The following WDR7 variants were observed in gnomAD, a reference collection of about 807,000 sequenced individuals.
WDR7 encodes WD repeat domain 7, also known as WD repeat-containing protein 7.
In WDR7, 46 loss-of-function variants were observed where a neutral mutation model predicts 169.4. The observed-to-expected ratio is 0.27, with a 90% confidence interval of 0.21 to 0.35. The LOEUF is 0.35. Ranked by LOEUF, WDR7 falls within the 10% of genes least tolerant of loss-of-function variation. The pLI is 1.00. For synonymous variants in WDR7, 612 were observed against 666.8 expected, an observed-to-expected ratio of 0.92 and a Z score of 1.27; for missense variants, 1,534 against 1,859.3, an observed-to-expected ratio of 0.83 and a Z score of 3.22.
intron 20 of WDR7, among the ~76,000 whole-genome samples, chr18:56,846,929 T>C (rs2045577275): frequency 6.6e-6 from 1 of 152,128 alleles, no homozygotes; most frequent in East Asian, 1.9e-4. Flanking sequence ...TGGACTAACA[T>C]AGAAAATTGG....
chr18:56,684,351 A>G (rs919951718), intron 5 of WDR7, among the ~76,000 whole-genome samples: 16 of 152,132 alleles, frequency 1.1e-4, no homozygotes, highest in Admixed American at 9.2e-4. Flanking sequence ...AAAGGGCCAG[A>G]TATGAAATAT....
At chr18:56,921,385 G>A (rs574546539) in intron 21 of WDR7, among the ~76,000 whole-genome samples, 7 of 152,342 alleles carry the variant, frequency 4.6e-5, no homozygotes, top group African/African-American at 1.7e-4. Flanking sequence ...GCCTGCCAGA[G>A]CTGTAAAAAC....
At chr18:56,688,745 G>A (rs1223959910) in intron 7 of WDR7, among the ~76,000 whole-genome samples, 3 of 151,614 alleles carry the variant, frequency 2.0e-5, no homozygotes, top group Non-Finnish European at 4.4e-5. Flanking sequence ...AAAAAAAAAG[G>A]GGCAAGAGGA....
chr18:56,928,461 A>G (rs1404546856), intron 22 of WDR7, among the ~76,000 whole-genome samples: 1 of 152,134 alleles, frequency 6.6e-6, no homozygotes, highest in African/African-American at 2.4e-5. Context: ...CAAGACCTTG[A>G]CTCTAAATAA....
At chr18:56,944,582 C>T (rs1343039214) in intron 25 of WDR7, among the ~76,000 whole-genome samples, 9 of 152,046 alleles carry the variant, frequency 5.9e-5, no homozygotes, top group Non-Finnish European at 1.3e-4. Flanking sequence ...AACTGTGAAT[C>T]CATTGAAAGC....
chr18:56,828,917 GA>G (rs932218382), intron 20 of WDR7, among the ~76,000 whole-genome samples: 47 of 152,064 alleles, frequency 3.1e-4, no homozygotes, highest in Non-Finnish European at 6.6e-4. Flanking sequence ...TAGTGATCCA[GA>G]TAATCTTTAT....
At chr18:56,882,721 C>T (rs2046126622) in intron 21 of WDR7, among the ~76,000 whole-genome samples, 1 of 152,156 alleles carries the variant, frequency 6.6e-6, no homozygotes, top group Non-Finnish European at 1.5e-5. Context: ...ACTGTTTGTG[C>T]TTCTAAAACT....
At chr18:57,000,865 C>T (rs2047966726) in intron 26 of WDR7, among the ~76,000 whole-genome samples, 1 of 152,080 alleles carries the variant, frequency 6.6e-6, no homozygotes, top group African/African-American at 2.4e-5. Context: ...AAATATTTCT[C>T]TAAATTCTTT....
chr18:56,904,164 G>A (rs909850963), intron 21 of WDR7, among the ~76,000 whole-genome samples: 2 of 151,804 alleles, frequency 1.3e-5, no homozygotes, highest in African/African-American at 4.8e-5. Context: ...CTGCCTCCTG[G>A]GTTCGAGTGA....
chr18:57,027,135 G>T lies in WDR7; in HGVS notation c.4401G>T (p.Arg1467=). The T allele has an allele frequency of 6.2e-7, 1 of 1,614,160 alleles. No individual in the cohort carries two copies. The highest frequency in any genetic ancestry group is 1.3e-5 in the African/African-American group (1 of 75,062). The change falls in exon 28 of 28, where the codon CGG becomes CGT. Residue 1467 remains arginine, a synonymous_variant. Transcript: ENST00000254442. ...CCCACAATGCCCTCAAGCTGGCCCG[G>T]CTCATCTGGACTTCCAACCGCAACG... ...PGSHNALKLA[R]LIWTSNRNVI...
At chr18:56,973,440 C>T (rs549097818) in intron 26 of WDR7, among the ~76,000 whole-genome samples, 1 of 152,098 alleles carries the variant, frequency 6.6e-6, no homozygotes, top group South Asian at 2.1e-4. Flanking sequence ...CTCTTTTTCT[C>T]TTCAACACTA....
chr18:56,920,179 C>T (rs1418107459), intron 21 of WDR7, among the ~76,000 whole-genome samples: 2 of 152,110 alleles, frequency 1.3e-5, no homozygotes, highest in African/African-American at 4.8e-5. Context: ...TACACATGCT[C>T]TTTCCTCTGC....
chr18:56,691,258 A>G lies in WDR7; in HGVS notation c.760A>G (p.Ser254Gly). Residue 254 changes from serine to glycine, a missense_variant, in exon 8 of 28, where the codon AGT (serine) becomes GGT (glycine). By Grantham distance (56) the Ser-to-Gly change is moderately conservative. Coordinates refer to ENST00000254442, the MANE Select transcript of WDR7 (RefSeq NM_015285.3). ...CTATTCCTTGTTGTGTTCAGGTCCTAGTGAAAATGGACAGACATGGACCGG... is the reference window on the plus strand; with the variant it reads ...CTATTCCTTGTTGTGTTCAGGTCCTGGTGAAAATGGACAGACATGGACCGG... The part of the protein sequence containing the change: ...GDYSLLCSGP[S>G]ENGQTWTGGD... 1 of 1,610,114 alleles carries G rather than the reference A, an allele frequency of 6.2e-7. No individual in the cohort carries two copies. The highest frequency in any genetic ancestry group is 1.1e-5 in the South Asian group (1 of 90,160).
chr18:56,678,218 A>G (rs1053261108), intron 2 of WDR7, among the ~76,000 whole-genome samples: 1 of 152,070 alleles, frequency 6.6e-6, no homozygotes, highest in African/African-American at 2.4e-5. Flanking sequence ...TTCAAACCCT[A>G]TTTCGAATTA....
At chr18:56,704,705 A>G (rs1054165197) in intron 12 of WDR7, among the ~76,000 whole-genome samples, 3 of 152,222 alleles carry the variant, frequency 2.0e-5, no homozygotes, top group Non-Finnish European at 4.4e-5. Flanking sequence ...AGTAATGAGA[A>G]AGACTGCATC....
At chr18:56,905,773 A>G (rs1268634916) in intron 21 of WDR7, among the ~76,000 whole-genome samples, 3 of 152,116 alleles carry the variant, frequency 2.0e-5, no homozygotes, top group Admixed American at 2.0e-4. Context: ...AAATAAAAAG[A>G]CAATACTAAC....
At chr18:57,016,202 C>G (rs1172030529) in intron 26 of WDR7, among the ~76,000 whole-genome samples, 6 of 152,108 alleles carry the variant, frequency 3.9e-5, no homozygotes, top group Non-Finnish European at 8.8e-5. Context: ...ACAGCCACAC[C>G]GGCCGCTTCC....
At chr18:56,706,502 A>G (rs1426594005) in intron 12 of WDR7, among the ~76,000 whole-genome samples, 2 of 152,088 alleles carry the variant, frequency 1.3e-5, no homozygotes, top group African/African-American at 4.8e-5. Context: ...ATTTCTGTGA[A>G]GTGTTGGTTT....
In WDR7 at chr18:56,782,389, C is replaced by T. The variant is rs137952812; in HGVS notation, c.3190+733C>T. Among the ~76,000 whole-genome samples the T allele has an allele frequency of 1.9e-4, 29 of 151,938 alleles. No individual in the cohort carries two copies. In the East Asian group the frequency reaches 4.8e-3, roughly 25 times the overall value. ...ACTAAATAATTTTTTTAAGGTCCCT[C>T]AGTTACTAAGTGACTAAATTATAAT... On this transcript the variant is annotated intron_variant, in intron 19 of 27. Transcript: ENST00000254442.
Sources: gnomAD v4.1 joint callset for allele counts (sites outside exome capture counted in the v4.1 genomes callset) on GRCh38, gnomAD v4.1.1 for gene constraint, MANE v1.5 for transcripts, NCBI Gene and HGNC (gene_info 2026-07-23, HGNC 2026-07-21) for gene names.